PTPRN2: variants seen among roughly 807,000 people sequenced by gnomAD.
PTPRN2 encodes the protein receptor-type tyrosine-protein phosphatase N2.
PTPRN2 carries 74 observed loss-of-function variants against 118.8 expected under a neutral mutation model. That is an observed-to-expected ratio of 0.62 (90% confidence interval 0.52 to 0.76). The LOEUF (loss-of-function observed/expected upper bound fraction) is 0.76. PTPRN2 is among the 30% of genes least tolerant of loss of function. The pLI, the probability that PTPRN2 is intolerant of heterozygous loss-of-function variation, is 0.00. For missense variants in PTPRN2, 1,481 were observed against 1,394.4 expected, an observed-to-expected ratio of 1.06 and a Z score of -0.99; for synonymous variants, 641 against 608.0, an observed-to-expected ratio of 1.05 and a Z score of -0.80.
At chr7:158,201,045 G>GA (rs201159840) in intron 4 of PTPRN2, among the ~76,000 whole-genome samples, 1,594 of 139,198 alleles carry the variant, frequency 0.011, 30 homozygotes, top group African/African-American at 0.041. Context: ...TTACAAGGGT[G>GA]AAAAAAAAGT....
chr7:157,849,358 G>A (rs1464344076), intron 12 of PTPRN2, among the ~76,000 whole-genome samples: 2 of 152,120 alleles, frequency 1.3e-5, no homozygotes, highest in Non-Finnish European at 2.9e-5. Flanking sequence ...CAGACACTAC[G>A]GGGCCGAGGC....
At position 158,312,983 on chromosome 7, in the gene PTPRN2, TGTGTGTGTGCAG is replaced by T. The variant is rs533363298; in HGVS notation, c.277+3824_277+3835del. On this transcript the variant is annotated intron_variant, in intron 3 of 22. Coordinates refer to ENST00000389418, the MANE Select transcript of PTPRN2 (RefSeq NM_002847.5). ...GTGTGTGCATGTCTACATGTGAGCA[TGTGTGTGTGCAG>T]GTGAGTGTGCAGGTGTGTGCGTGTG... Among the ~76,000 whole-genome samples the T allele has an allele frequency of 7.5e-3, 1,132 of 150,956 alleles. 5 individuals are homozygous for T. The highest frequency in any genetic ancestry group is 0.014 in the Middle Eastern group (4 of 292).
In PTPRN2 at chr7:158,210,929, G is replaced by A. The variant is rs184602671; in HGVS notation, c.278-5656C>T. 7.2e-5 allele frequency among the ~76,000 whole-genome samples: 11 copies of A among 152,284 alleles called. 1 individual carries two copies. Among genetic ancestry groups the A allele is most frequent in the African/African-American group, 2.6e-4 (11 of 41,562 alleles). ...CAAACTATTCCAAAAGATAGAGGAG[G>A]AGGAAACACTTCCAAATTCATTCCA... On this transcript the variant is annotated intron_variant, in intron 3 of 22. Transcript: ENST00000389418.
At chr7:158,008,722 A>G (rs1488026358) in intron 11 of PTPRN2, among the ~76,000 whole-genome samples, 1 of 152,252 alleles carries the variant, frequency 6.6e-6, no homozygotes, top group Non-Finnish European at 1.5e-5. Flanking sequence ...CGCTTGGCGC[A>G]TGCGGGCCTC....
intron 1 of PTPRN2, among the ~76,000 whole-genome samples, chr7:158,561,252 T>A (rs2129450924): frequency 6.6e-6 from 1 of 152,334 alleles, no homozygotes; most frequent in African/African-American, 2.4e-5. Context: ...TCATTACTAC[T>A]TCAAGGTATT....
rs908946984 is a variant in PTPRN2, at chr7:157,990,169, T to C, written c.1723+91129A>G. ...AGCTGCAGCTGGGGACACGAGTTAA[T>C]GTGAGTGCGAGCCCAGGGCAGAGCG... On this transcript the variant is annotated intron_variant, in intron 11 of 22. Coordinates refer to ENST00000389418, the MANE Select transcript of PTPRN2 (RefSeq NM_002847.5). This position sits in a 1 kb window ranked among gnomAD's most constrained non-coding sequence, Gnocchi z 4.3. Among the ~76,000 whole-genome samples the C allele has an allele frequency of 6.8e-6, 1 of 147,776 alleles. No individual in the cohort carries two copies. Among genetic ancestry groups the C allele is most frequent in the Admixed American group, 6.9e-5 (1 of 14,546 alleles).
rs73516634 is a variant in PTPRN2, at chr7:158,383,552, C to T, written c.164-66620G>A. On this transcript the variant is annotated intron_variant, in intron 2 of 22. Transcript: ENST00000389418. ...ACATGGAACCAAAGACTTTAAATAG[C>T]CTCCGGGATCCCAAAAAATGATATT... Among the ~76,000 whole-genome samples the T allele has an allele frequency of 8.9e-3, 1,358 of 152,252 alleles. 22 individuals carry two copies. Among genetic ancestry groups the T allele is most frequent in the African/African-American group, 0.031 (1,277 of 41,550 alleles).
In PTPRN2 at chr7:157,619,096, A is replaced by G. The variant is rs761664691; in HGVS notation, c.2344+2266T>C. On this transcript the variant is annotated intron_variant, in intron 15 of 22. Coordinates refer to ENST00000389418, the MANE Select transcript of PTPRN2 (RefSeq NM_002847.5). This position sits in a 1 kb window ranked among gnomAD's most constrained non-coding sequence, Gnocchi z 5.3. ...CCTGTGTCCCATCTGAGCACGGACCACTTCACCATCACTAGGTCCCTCGCC... is the reference window on the plus strand; with the variant it reads ...CCTGTGTCCCATCTGAGCACGGACCGCTTCACCATCACTAGGTCCCTCGCC... Among the ~76,000 whole-genome samples, 6 of 151,926 alleles carry G rather than the reference A, an allele frequency of 3.9e-5. No homozygotes were observed. The highest frequency in any genetic ancestry group is 8.8e-5 in the Non-Finnish European group (6 of 67,988).
rs964047080 is a variant in PTPRN2, at chr7:158,093,501, G to C, written c.1644-12124C>G. 6.6e-6 allele frequency among the ~76,000 whole-genome samples: 1 copy of C among 152,178 alleles called. No homozygotes were observed. Among genetic ancestry groups the C allele is most frequent in the African/African-American group, 2.4e-5 (1 of 41,438 alleles). ...CTCCAGTCTTGTTCCTTGTTCACTGGCGTCCCTCACTCTAGGCAAGCCCAC... is the reference window on the plus strand; with the variant it reads ...CTCCAGTCTTGTTCCTTGTTCACTGCCGTCCCTCACTCTAGGCAAGCCCAC... On this transcript the variant is annotated intron_variant, in intron 10 of 22. Coordinates refer to ENST00000389418, the MANE Select transcript of PTPRN2 (RefSeq NM_002847.5). This position sits in a 1 kb window ranked among gnomAD's most constrained non-coding sequence, Gnocchi z 4.4.
Position 157,757,632 on chromosome 7 carries a change from CTGT to C in PTPRN2, c.1789-74698_1789-74696del, listed in dbSNP as rs201249245. 1.2e-3 allele frequency among the ~76,000 whole-genome samples: 185 copies of C among 151,178 alleles called. 2 individuals are homozygous for C. The East Asian group carries it at 0.024, about 20-fold the overall frequency. ...TATCTCGAAGCCGTGCGTCTTTCAC[CTGT>C]TGTTCGACTGGTATGCTCTGTGGCT... On this transcript the variant is annotated intron_variant, in intron 12 of 22. Coordinates refer to ENST00000389418, the MANE Select transcript of PTPRN2 (RefSeq NM_002847.5).
chr7:157,933,192 CTGAT>C (rs1442201940), intron 11 of PTPRN2, among the ~76,000 whole-genome samples: 7 of 141,206 alleles, frequency 5.0e-5, no homozygotes, highest in East Asian at 2.2e-4. Flanking sequence ...GTGAGTCACT[CTGAT>C]TGACAGTTTT....
intron 11 of PTPRN2, among the ~76,000 whole-genome samples, chr7:158,034,643 GA>G (rs1177375659): frequency 2.0e-5 from 3 of 152,038 alleles, no homozygotes; most frequent in Non-Finnish European, 1.5e-5. Flanking sequence ...TCAGCAGTGT[GA>G]AAAAAAACTA....
intron 1 of PTPRN2, among the ~76,000 whole-genome samples, chr7:158,543,352 C>T (rs368003974): frequency 3.9e-5 from 6 of 152,202 alleles, no homozygotes; most frequent in East Asian, 1.9e-4. Flanking sequence ...CCACAACGGC[C>T]GCCCCGCCGG....
In PTPRN2 at chr7:158,244,711, G is replaced by C. The variant is rs1225042260; in HGVS notation, c.278-39438C>G. Among the ~76,000 whole-genome samples the C allele has an allele frequency of 3.9e-5, 4 of 101,650 alleles. No individual in the cohort carries two copies. In the East Asian group the frequency reaches 1.4e-3, roughly 36 times the overall value. The allele number at this position is 101,650 out of a possible 152,430, so 66.7% of individuals were successfully genotyped here. Reference sequence around the variant, plus strand: ...AAGTTGTGAGTGTGTGTGGTTGTGAGTTGTGTTAGAGTGAAAGTGTGTGTG... The same window carrying C: ...AAGTTGTGAGTGTGTGTGGTTGTGACTTGTGTTAGAGTGAAAGTGTGTGTG... On this transcript the variant is annotated intron_variant, in intron 3 of 22. Transcript: ENST00000389418.
intron 12 of PTPRN2, among the ~76,000 whole-genome samples, chr7:157,810,034 G>A (rs1388163156): frequency 1.3e-5 from 2 of 152,192 alleles, no homozygotes; most frequent in African/African-American, 4.8e-5. Context: ...CGGGGCCACC[G>A]TCCAACTCAC....
In PTPRN2 at chr7:158,205,159, G is replaced by A. The variant is rs748023564; in HGVS notation, c.380+12C>T. Reference sequence around the variant, plus strand: ...CTGGGAGCAAGGAGCAACAAGCCACGTCCACACTTACCTGGCTGGGCTGGA... The same window carrying A: ...CTGGGAGCAAGGAGCAACAAGCCACATCCACACTTACCTGGCTGGGCTGGA... On this transcript the variant is annotated intron_variant, in intron 4 of 22. Transcript: ENST00000389418. The A allele has an allele frequency of 5.0e-6, 8 of 1,604,436 alleles. No individual in the cohort carries two copies. Among genetic ancestry groups the A allele is most frequent in the South Asian group, 3.3e-5 (3 of 90,874 alleles).
intron 3 of PTPRN2, among the ~76,000 whole-genome samples, chr7:158,299,835 G>A (rs1800759314): frequency 1.3e-5 from 2 of 152,130 alleles, no homozygotes; most frequent in Non-Finnish European, 2.9e-5. Flanking sequence ...GTGCTTGCTG[G>A]GGTTGGGTCT....
chr7:157,657,225 GCCACACACACACA>G (rs1795558272), intron 13 of PTPRN2, among the ~76,000 whole-genome samples: 1 of 30,268 alleles, frequency 3.3e-5, no homozygotes, highest in Non-Finnish European at 6.2e-5. Context: ...ACACACATAC[GCCACACACACACA>G]CCACACACAT....
At chr7:157,732,429 C>T (rs1800001108) in intron 12 of PTPRN2, among the ~76,000 whole-genome samples, 1 of 43,256 alleles carries the variant, frequency 2.3e-5, no homozygotes, top group Non-Finnish European at 4.4e-5. Flanking sequence ...CCCCATGCGC[C>T]CAGCACAGTT....
Sources: gnomAD v4.1 joint callset for allele counts (sites outside exome capture counted in the v4.1 genomes callset) on GRCh38, gnomAD v4.1.1 for gene constraint, Gnocchi (gnomAD v3.1) non-coding constraint, MANE v1.5 for transcripts, NCBI Gene and HGNC (gene_info 2026-07-23, HGNC 2026-07-21) for gene names.